The following CHRNA6 variants were observed in gnomAD, a reference collection of about 807,000 sequenced individuals.
CHRNA6 encodes neuronal acetylcholine receptor subunit alpha-6.
In CHRNA6, 31 loss-of-function variants were observed where a neutral mutation model predicts 40.9. The ratio of observed to expected loss-of-function variants is 0.76; its 90% CI spans 0.57 to 1.02. The LOEUF (loss-of-function observed/expected upper bound fraction) is 1.02. Among genes scored for constraint, CHRNA6 ranks in the 50% least tolerant of loss-of-function variants. The pLI, the probability that CHRNA6 is intolerant of heterozygous loss-of-function variation, is 0.00. For missense variants in CHRNA6, 546 were observed against 596.6 expected, an observed-to-expected ratio of 0.92 and a Z score of 0.88; for synonymous variants, 222 against 221.3, an observed-to-expected ratio of 1.00 and a Z score of -0.03.
At chr8:42,768,265 A>T in intron 1 of CHRNA6, 87 bp downstream of exon 1, 1 of 1,069,146 alleles carries the variant, frequency 9.4e-7, no homozygotes, top group Non-Finnish European at 1.4e-6. Flanking sequence ...AACTTTTATT[A>T]ATATATCTTC....
chr8:42,768,414 C>T lies in CHRNA6; in HGVS notation c.17G>A (p.Gly6Glu), dbSNP rs1178800692. The T allele has an allele frequency of 1.2e-6, 2 of 1,613,796 alleles. No homozygotes were observed. Among genetic ancestry groups the T allele is most frequent in the African/African-American group, 2.7e-5 (2 of 74,904 alleles). The change falls in exon 1 of 6, where the codon GGG becomes GAG. Residue 6 changes from glycine to glutamate, a missense_variant. Physicochemically the swap from Gly to Glu is moderately conservative, Grantham distance 98. This residue lies in a region of CHRNA6 where 476 missense variants were observed against 494.5 expected (regional missense o/e 0.96). Transcript: ENST00000276410. ...CAAGCCCCCATGAAGGAATCCCTGC[C>T]CCTTGCTGGTCAGCATGGTTAAAAC... MLTSK[G>E]QGFLHGGLCL...
At chr8:42,758,929 C>T in intron 3 of CHRNA6, 140 bp downstream of exon 3, 1 of 665,586 alleles carries the variant, frequency 1.5e-6, no homozygotes, top group Non-Finnish European at 2.7e-6. Flanking sequence ...CAGCTATTAC[C>T]AGAGCTGAAC....
At chr8:42,767,825 C>T (rs893925813) in intron 1 of CHRNA6, among the ~76,000 whole-genome samples, 3 of 152,160 alleles carry the variant, frequency 2.0e-5, no homozygotes, top group Non-Finnish European at 4.4e-5. Flanking sequence ...AACCTAACAG[C>T]ATAGAAATGT....
At chr8:42,757,259 G>A (rs1006323258) in intron 3 of CHRNA6, among the ~76,000 whole-genome samples, 5 of 151,826 alleles carry the variant, frequency 3.3e-5, no homozygotes, top group African/African-American at 7.3e-5. Context: ...CCAACTACTC[G>A]GGAGGCTGAG....
chr8:42,762,403 C>T (rs1816917437), intron 2 of CHRNA6, among the ~76,000 whole-genome samples: 1 of 152,202 alleles, frequency 6.6e-6, no homozygotes, highest in Non-Finnish European at 1.5e-5. Context: ...GTAATCCCCA[C>T]TTTGAGAGGC....
At chr8:42,757,895 C>G (rs1181966862) in intron 3 of CHRNA6, among the ~76,000 whole-genome samples, 1 of 151,236 alleles carries the variant, frequency 6.6e-6, no homozygotes, top group Non-Finnish European at 1.5e-5. Flanking sequence ...ATTAGCCGGG[C>G]GTGGTGGCGG....
At chr8:42,754,054 C>T (rs1816758840) in intron 5 of CHRNA6, among the ~76,000 whole-genome samples, 1 of 152,140 alleles carries the variant, frequency 6.6e-6, no homozygotes, top group Admixed American at 6.5e-5. Flanking sequence ...CAAAGGGATG[C>T]TGGCCATGGA....
chr8:42,764,983 A>G (rs1377039823), intron 2 of CHRNA6, 82 bp downstream of exon 2: 9 of 1,447,030 alleles, frequency 6.2e-6, no homozygotes, highest in Middle Eastern at 1.8e-4. Context: ...ATTTGCATCT[A>G]TCTGTATTTC....
chr8:42,767,219 T>C (rs1183932756), intron 1 of CHRNA6, among the ~76,000 whole-genome samples: 1 of 152,158 alleles, frequency 6.6e-6, no homozygotes, highest in Non-Finnish European at 1.5e-5. Context: ...CGCCTGCCTC[T>C]GCCTCCCAAA....
At chr8:42,762,094 C>G (rs1280808377) in intron 2 of CHRNA6, among the ~76,000 whole-genome samples, 1 of 152,194 alleles carries the variant, frequency 6.6e-6, no homozygotes, top group Non-Finnish European at 1.5e-5. Context: ...TGCTCCAGAG[C>G]CAAGCTGGGG....
In CHRNA6 at chr8:42,768,494, G is replaced by T; in HGVS notation, c.-64C>A. On this transcript the variant is annotated 5_prime_UTR_variant, in exon 1 of 6. It adds an upstream start codon to the 5' untranslated region. Transcript: ENST00000276410. ...GATTGTGGAAAACAAAGAGCTATCA[G>T]TCAGCCACATGCATCCAACCTTGAC... 1 of 1,301,080 alleles carries T rather than the reference G, an allele frequency of 7.7e-7. No homozygotes were observed. The highest frequency in any genetic ancestry group is 1.1e-6 in the Non-Finnish European group (1 of 896,512). 80.6% of individuals were successfully genotyped at this position (1,301,080 alleles called of 1,614,324 possible).
intron 2 of CHRNA6, among the ~76,000 whole-genome samples, chr8:42,761,839 G>C (rs894095911): frequency 6.6e-6 from 1 of 152,176 alleles, no homozygotes; most frequent in African/African-American, 2.4e-5. Context: ...CAAAGGCTTT[G>C]AGTTATGATT....
rs765710849 is a variant in CHRNA6 at position 42,759,070 on chromosome 8, T to C, written c.263A>G (p.His88Arg). Residue 88 changes from histidine to arginine, a missense_variant and splice_region_variant, in exon 3 of 6, where the codon CAC becomes CGC. His to Arg is a conservative substitution (Grantham distance 29). Transcript: ENST00000276410. ...QIMETNLWLR[H>R]IWNDYKLRWD... ...CCAACACATGATATAGGCACATACG[T>C]GACGCAGCCACAAATTGGTTTCCAT... 28 of 1,612,138 alleles carry C rather than the reference T, an allele frequency of 1.7e-5. No homozygotes were observed. In the South Asian group the frequency reaches 3.1e-4, roughly 18 times the overall value.
chr8:42,767,784 T>C (rs1816994409), intron 1 of CHRNA6, among the ~76,000 whole-genome samples: 1 of 152,186 alleles, frequency 6.6e-6, no homozygotes, highest in African/African-American at 2.4e-5. Context: ...AGATAAACCC[T>C]CCATCAGCCT....
At chr8:42,765,295 A>G in intron 1 of CHRNA6, 91 bp from the exon 2 acceptor site, 1 of 1,425,084 alleles carries the variant, frequency 7.0e-7, no homozygotes, top group Admixed American at 1.8e-5. Context: ...CCCTGTGGGG[A>G]GCGAATGTCC....
In CHRNA6 at chr8:42,765,159, AAC is replaced by A. The variant is rs1816958355; in HGVS notation, c.123_124del (p.His44LeufsTer20). On this transcript the variant is annotated frameshift_variant, in exon 2 of 6. Transcript: ENST00000276410. LOFTEE classifies it high-confidence loss of function. ...CCTGATGAACTGGTTGTAATGAGAA[AAC>A]AGTTTGTGGAAGAGCCTCTCCTCAG... 1 of 1,614,144 alleles carries A rather than the reference AAC, an allele frequency of 6.2e-7. No homozygotes were observed.
rs186605752 is a variant in CHRNA6, at chr8:42,759,767, G to C, written c.220-654C>G. 4.6e-5 allele frequency among the ~76,000 whole-genome samples: 7 copies of C among 152,176 alleles called. No individual in the cohort carries two copies. The East Asian group carries it at 1.4e-3, about 29-fold the overall frequency. On this transcript the variant is annotated intron_variant, in intron 2 of 5. Coordinates refer to ENST00000276410, the MANE Select transcript of CHRNA6 (RefSeq NM_004198.3). ...TACAAAAAAATAGTCAGGTGTGGTGGCGGGCGCCTGTAATCCCAGCTACTT... is the reference window on the plus strand; with the variant it reads ...TACAAAAAAATAGTCAGGTGTGGTGCCGGGCGCCTGTAATCCCAGCTACTT...
At position 42,765,064 on chromosome 8, in the gene CHRNA6, C is replaced by T. The variant is rs1253268165; in HGVS notation, c.219+1G>A. 2 of 1,613,912 alleles carry T rather than the reference C, an allele frequency of 1.2e-6. No homozygotes were observed. Among genetic ancestry groups the T allele is most frequent in the African/African-American group, 2.7e-5 (2 of 74,934 alleles). ...GAAAGCTCTGATCAGAGGGCACTCACCACGTTGGCCAGCTGGGTGATGGCC... is the reference window on the plus strand; with the variant it reads ...GAAAGCTCTGATCAGAGGGCACTCATCACGTTGGCCAGCTGGGTGATGGCC... On this transcript the variant is annotated splice_donor_variant, in intron 2 of 5. Transcript: ENST00000276410. LOFTEE classifies it high-confidence loss of function.
intron 2 of CHRNA6, among the ~76,000 whole-genome samples, chr8:42,764,487 C>T (rs767458992): frequency 5.3e-5 from 8 of 152,086 alleles, no homozygotes; most frequent in Non-Finnish European, 1.0e-4. Flanking sequence ...GCCACTACAC[C>T]TGGCTAATTT....
Sources: gnomAD v4.1 joint callset for allele counts (sites outside exome capture counted in the v4.1 genomes callset) on GRCh38, gnomAD v4.1.1 for gene constraint, gnomAD v4.1.1 regional missense constraint, MANE v1.5 for transcripts, NCBI Gene and HGNC (gene_info 2026-07-23, HGNC 2026-07-21) for gene names.